Variants in PIK3C2G observed in about 807,000 individuals in gnomAD.
PIK3C2G encodes the protein phosphatidylinositol-4-phosphate 3-kinase catalytic subunit type 2 gamma, also known as phosphatidylinositol 3-kinase C2 domain-containing subunit gamma.
Under a neutral mutation model 181.1 loss-of-function variants are expected in PIK3C2G, and 168 were observed. That is an observed-to-expected ratio of 0.93 (90% CI 0.82 to 1.05). The LOEUF is 1.05. PIK3C2G is among the 50% of genes least tolerant of loss of function. PIK3C2G has a pLI of 0.00. For synonymous variants in PIK3C2G, 573 were observed against 592.2 expected (o/e 0.97, Z 0.47); for missense variants, 1,869 against 1,732.8 (o/e 1.08, Z -1.40).
intron 29 of PIK3C2G, among the ~76,000 whole-genome samples, chr12:18,574,394 A>C (rs557934627): frequency 2.0e-5 from 3 of 152,228 alleles, no homozygotes; most frequent in Non-Finnish European, 4.4e-5. Flanking sequence ...ATTTTTATAA[A>C]GAAAAACTTA....
the PIK3C2G span, among the ~76,000 whole-genome samples, chr12:18,657,809 G>A: frequency 2.6e-5 from 4 of 151,852 alleles, no homozygotes; most frequent in Admixed American, 1.3e-4. Flanking sequence ...AGAAAGTATG[G>A]CCCATACACA....
Position 18,637,400 on chromosome 12 carries a change from A to T in PIK3C2G, c.4183-3029A>T, listed in dbSNP as rs373151888. 3.0e-3 allele frequency among the ~76,000 whole-genome samples: 445 copies of T among 146,848 alleles called. 4 individuals are homozygous for T. Among genetic ancestry groups the T allele is most frequent in the African/African-American group, 9.6e-3 (384 of 40,090 alleles). On this transcript the variant is annotated intron_variant, in intron 31 of 32. Coordinates refer to ENST00000538779, the MANE Select transcript of PIK3C2G (RefSeq NM_001288772.2). ...AAGATTTTGTTCACTTGACCTAGAT[A>T]TTTTTTTTTTTTTTTACAAAAAAAT...
At chr12:18,509,863 C>T (rs190784261) in intron 24 of PIK3C2G, among the ~76,000 whole-genome samples, 13 of 152,304 alleles carry the variant, frequency 8.5e-5, no homozygotes, top group African/African-American at 2.6e-4. Flanking sequence ...TGAGGTATTA[C>T]TTAATGATTC....
intron 18 of PIK3C2G, among the ~76,000 whole-genome samples, chr12:18,461,074 G>A (rs1947895234): frequency 6.6e-6 from 1 of 152,084 alleles, no homozygotes; most frequent in Non-Finnish European, 1.5e-5. Flanking sequence ...GTATGTTTAT[G>A]TGTATGTATG....
the PIK3C2G span, chr12:18,693,795 C>T: frequency 9.9e-6 from 15 of 1,513,756 alleles, no homozygotes; most frequent in Admixed American, 1.7e-5. Context: ...TTGGATCCAG[C>T]GCTTATCAGA....
chr12:18,422,100 A>C (rs1377770946), intron 17 of PIK3C2G, among the ~76,000 whole-genome samples: 1 of 151,948 alleles, frequency 6.6e-6, no homozygotes, highest in Non-Finnish European at 1.5e-5. Context: ...TAGACATTAA[A>C]CTCATTTGAA....
In PIK3C2G at chr12:18,371,177, C is replaced by T. The variant is rs1942033335; in HGVS notation, c.1749-3C>T. ...TAATGCTTCTTCTTTCTTTTATTCT[C>T]AGGATCAATTTTCCCCTTGAAATAA... On this transcript the variant is annotated splice_region_variant and splice_polypyrimidine_tract_variant and intron_variant, in intron 12 of 32. Coordinates refer to ENST00000538779, the MANE Select transcript of PIK3C2G (RefSeq NM_001288772.2). 1 of 1,601,800 alleles carries T rather than the reference C, an allele frequency of 6.2e-7. No homozygotes were observed. The highest frequency in any genetic ancestry group is 1.3e-5 in the African/African-American group (1 of 74,626).
intron 18 of PIK3C2G, among the ~76,000 whole-genome samples, chr12:18,478,850 C>T (rs1446943190): frequency 6.6e-6 from 1 of 151,808 alleles, no homozygotes; most frequent in Admixed American, 6.6e-5. Flanking sequence ...CGGCGCAAGC[C>T]TGTGGTCCCA....
rs549770093 is a variant in PIK3C2G, at chr12:18,647,559, G to T, written c.4309-317G>T. ...CATAATAGCTGTACATATTTATGGG[G>T]TATAAAAGGTGAAGTATATTTAAAT... is the stretch of plus-strand genomic sequence containing the variant. On this transcript the variant is annotated intron_variant, in intron 32 of 32. Transcript: ENST00000538779. Among the ~76,000 whole-genome samples the T allele has an allele frequency of 7.9e-5, 12 of 151,906 alleles. No homozygotes were observed. In the East Asian group the frequency reaches 1.4e-3, roughly 17 times the overall value.
chr12:18,390,913 A>G (rs368667368), intron 14 of PIK3C2G, among the ~76,000 whole-genome samples: 47 of 152,252 alleles, frequency 3.1e-4, no homozygotes, highest in African/African-American at 8.2e-4. Flanking sequence ...TACCATTTGT[A>G]TACATAATTG....
intron 1 of PIK3C2G, among the ~76,000 whole-genome samples, chr12:18,279,766 A>G (rs1469718780): frequency 6.6e-6 from 1 of 151,886 alleles, no homozygotes; most frequent in African/African-American, 2.4e-5. Flanking sequence ...TGATATAGCT[A>G]TGTGACTCAT....
At chr12:18,321,164 G>T (rs1951092331) in intron 7 of PIK3C2G, 132 bp downstream of exon 7, 2 of 562,722 alleles carry the variant, frequency 3.6e-6, no homozygotes, top group Non-Finnish European at 6.4e-6. Flanking sequence ...CTTTTAACAG[G>T]CAAATTCTGT....
intron 30 of PIK3C2G, among the ~76,000 whole-genome samples, chr12:18,595,965 T>C (rs1030864583): frequency 1.3e-5 from 2 of 152,112 alleles, no homozygotes; most frequent in Admixed American, 1.3e-4. Flanking sequence ...TTCTTGCTTG[T>C]GTGTTTATCT....
intron 30 of PIK3C2G, among the ~76,000 whole-genome samples, chr12:18,595,752 C>G (rs1033306469): frequency 1.3e-5 from 2 of 152,118 alleles, no homozygotes; most frequent in Admixed American, 1.3e-4. Context: ...ATTTAATACT[C>G]TGCTGCCACT....
chr12:18,636,121 G>C (rs1229211957), intron 31 of PIK3C2G, among the ~76,000 whole-genome samples: 3 of 152,184 alleles, frequency 2.0e-5, no homozygotes, highest in Non-Finnish European at 2.9e-5. Flanking sequence ...ACTAAATTAT[G>C]ACATAGAGCT....
intron 1 of PIK3C2G, among the ~76,000 whole-genome samples, chr12:18,269,143 T>G (rs944551421): frequency 6.6e-6 from 1 of 152,078 alleles, no homozygotes; most frequent in Non-Finnish European, 1.5e-5. Flanking sequence ...ACTCCTGGCC[T>G]CAAGTCTATC....
At chr12:18,609,692 T>A (rs1361917701) in intron 31 of PIK3C2G, 63 bp downstream of exon 31, 41 of 968,740 alleles carry the variant, frequency 4.2e-5, no homozygotes, top group Non-Finnish European at 6.2e-5. Flanking sequence ...TTACCTCCTT[T>A]GGGCAATTAG....
At chr12:18,450,122 G>A (rs1413963854) in intron 18 of PIK3C2G, among the ~76,000 whole-genome samples, 10 of 151,940 alleles carry the variant, frequency 6.6e-5, no homozygotes, top group South Asian at 2.1e-4. Flanking sequence ...TTTTAATAGC[G>A]TTGTTTTTTA....
chr12:18,286,217 T>C (rs1024439899), intron 2 of PIK3C2G, among the ~76,000 whole-genome samples: 4 of 152,056 alleles, frequency 2.6e-5, no homozygotes, highest in Non-Finnish European at 5.9e-5. Context: ...CTGACCAAGC[T>C]ATTCATTCAT....
Sources: allele counts gnomAD v4.1 joint callset (sites outside exome capture counted in the v4.1 genomes callset), GRCh38; gene constraint gnomAD v4.1.1; transcripts MANE v1.5; gene names NCBI Gene and HGNC (gene_info 2026-07-23, HGNC 2026-07-21).